The following ATRNL1 variants were observed in gnomAD, a reference collection of about 807,000 sequenced individuals.
ATRNL1 encodes the protein attractin-like protein 1.
ATRNL1 carries 95 observed loss-of-function variants against 182.7 expected under a neutral mutation model. The observed-to-expected ratio is 0.52, with a 90% CI of 0.44 to 0.62. The LOEUF is 0.62. Among genes scored for constraint, ATRNL1 ranks in the 20% least tolerant of loss-of-function variants. ATRNL1 has a pLI of 0.00. For synonymous variants in ATRNL1, 576 were observed against 568.3 expected (o/e 1.01, Z -0.19); for missense variants, 1,471 against 1,679.5 (o/e 0.88, Z 2.17).
intron 9 of ATRNL1, among the ~76,000 whole-genome samples, chr10:115,223,137 C>T (rs1592281616): frequency 6.6e-6 from 1 of 152,018 alleles, no homozygotes; most frequent in African/African-American, 2.4e-5. Context: ...AAAAATTAGC[C>T]AGGCATGGTG....
intron 15 of ATRNL1, among the ~76,000 whole-genome samples, chr10:115,296,094 G>A (rs782654083): frequency 6.6e-6 from 1 of 152,116 alleles, no homozygotes; most frequent in Non-Finnish European, 1.5e-5. Context: ...AAGGACTGTG[G>A]GATTCTTCTG....
chr10:115,189,228 G>A (rs1325693987), intron 8 of ATRNL1, among the ~76,000 whole-genome samples: 4 of 151,410 alleles, frequency 2.6e-5, no homozygotes, highest in Non-Finnish European at 5.9e-5. Flanking sequence ...CAGAAGTATG[G>A]CACATACAAT....
chr10:115,900,230 C>T (rs1952317003), intron 28 of ATRNL1, among the ~76,000 whole-genome samples: 2 of 152,072 alleles, frequency 1.3e-5, no homozygotes, highest in African/African-American at 4.8e-5. Context: ...GGGCCCATAC[C>T]TCCTATTATA....
chr10:115,796,510 G>A (rs1256994356), intron 27 of ATRNL1, among the ~76,000 whole-genome samples: 4 of 152,170 alleles, frequency 2.6e-5, no homozygotes, highest in South Asian at 2.1e-4. Context: ...GTTCATGGCC[G>A]AAGGAACCAC....
chr10:115,481,041 A>G (rs1310121563), intron 24 of ATRNL1, among the ~76,000 whole-genome samples: 1 of 150,702 alleles, frequency 6.6e-6, no homozygotes, highest in Non-Finnish European at 1.5e-5. Context: ...CATTAATTAT[A>G]TTTTGAAATC....
chr10:115,151,229 A>G (rs1846212379), intron 5 of ATRNL1, among the ~76,000 whole-genome samples: 2 of 152,180 alleles, frequency 1.3e-5, no homozygotes, highest in Admixed American at 6.5e-5. Flanking sequence ...TCCTTTGGGT[A>G]TATACCCAGT....
chr10:115,661,453 A>T (rs1860677269), intron 26 of ATRNL1, among the ~76,000 whole-genome samples: 1 of 152,192 alleles, frequency 6.6e-6, no homozygotes, highest in African/African-American at 2.4e-5. Flanking sequence ...AATAAAATTC[A>T]AATTAAAGAA....
chr10:115,713,467 T>TTTGTGTGTGTGTGTG lies in ATRNL1; in HGVS notation c.3796-13780_3796-13779insTGTGTGTGTGTGTGT, dbSNP rs1565310435. Reference sequence around the variant, plus strand: ...GCTGTGTGTGTGTGTGTGTGTGTGTTTGTGTGTGTGTCTGTGTGAAGATGA... The same window carrying TTTGTGTGTGTGTGTG: ...GCTGTGTGTGTGTGTGTGTGTGTGTTTTGTGTGTGTGTGTGTGTGTGTGTGTCTGTGTGAAGATGA... On this transcript the variant is annotated intron_variant, in intron 26 of 28. Coordinates refer to ENST00000355044, the MANE Select transcript of ATRNL1 (RefSeq NM_207303.4). Among the ~76,000 whole-genome samples, 728 of 74,430 alleles carry TTTGTGTGTGTGTGTG rather than the reference T, an allele frequency of 9.8e-3. 7 individuals are homozygous for TTTGTGTGTGTGTGTG. Among genetic ancestry groups the TTTGTGTGTGTGTGTG allele is most frequent in the African/African-American group, 0.027 (702 of 25,696 alleles). 48.8% of individuals were successfully genotyped at this position (74,430 alleles called of 152,430 possible).
At chr10:115,561,693 G>A (rs1206052084) in intron 26 of ATRNL1, among the ~76,000 whole-genome samples, 15 of 114,910 alleles carry the variant, frequency 1.3e-4, no homozygotes, top group African/African-American at 4.5e-4. Flanking sequence ...GTGTGTGGGT[G>A]TGTGTGTGTG....
rs79840313 is a variant in ATRNL1, at chr10:115,495,434, A to G, written c.3655-23829A>G. Among the ~76,000 whole-genome samples the G allele has an allele frequency of 8.9e-3, 1,359 of 152,146 alleles. 25 individuals carry two copies. The highest frequency in any genetic ancestry group is 0.031 in the African/African-American group (1,278 of 41,522). The stretch of plus-strand genomic sequence containing the variant: ...TAGGTTGTTAATTTGAGATCATTCT[A>G]ACTTTTTGATGTGGACGTTTAGCAC... On this transcript the variant is annotated intron_variant, in intron 24 of 28. Transcript: ENST00000355044.
chr10:115,741,008 T>C (rs1948124626), intron 27 of ATRNL1, among the ~76,000 whole-genome samples: 1 of 152,184 alleles, frequency 6.6e-6, no homozygotes, highest in Admixed American at 6.5e-5. Context: ...TTTCCATATT[T>C]TAAACTGGAA....
Position 115,215,740 on chromosome 10 carries a change from A to G in ATRNL1, c.1392A>G (p.Val464=). 2.5e-6 allele frequency: 4 copies of G among 1,607,542 alleles called. No individual in the cohort carries two copies. The highest frequency in any genetic ancestry group is 1.7e-6 in the Non-Finnish European group (2 of 1,177,694). ...TTCCAGAAACTAAAGGAGCTATTGT[A>G]CAAGGTGGATATGGCCATACTAGTG... ...WLVPETKGAI[V]QGGYGHTSVY... The change falls in exon 9 of 29, where the codon GTA becomes GTG. Residue 464 remains valine, a synonymous_variant. Coordinates refer to ENST00000355044, the MANE Select transcript of ATRNL1 (RefSeq NM_207303.4).
chr10:115,502,370 A>G (rs951781025), intron 24 of ATRNL1, among the ~76,000 whole-genome samples: 18 of 152,158 alleles, frequency 1.2e-4, no homozygotes, highest in African/African-American at 3.6e-4. Flanking sequence ...TTTGTTAAAT[A>G]TCAAAGGTTT....
intron 21 of ATRNL1, among the ~76,000 whole-genome samples, chr10:115,449,248 G>C (rs1271208779): frequency 1.3e-5 from 2 of 152,184 alleles, no homozygotes; most frequent in Non-Finnish European, 2.9e-5. Context: ...GGAGAGAAGA[G>C]AAGAAGCAGC....
At chr10:115,463,971 G>T (rs2134542035) in intron 22 of ATRNL1, among the ~76,000 whole-genome samples, 1 of 152,102 alleles carries the variant, frequency 6.6e-6, no homozygotes, top group African/African-American at 2.4e-5. Context: ...ATTGTCCATA[G>T]TGTCATATAC....
At position 115,139,245 on chromosome 10, in the gene ATRNL1, C is replaced by T. The variant is rs963074415; in HGVS notation, c.829+9710C>T. 3.9e-5 allele frequency among the ~76,000 whole-genome samples: 6 copies of T among 152,272 alleles called. No homozygotes were observed. The Middle Eastern group carries it at 0.01, about 259-fold the overall frequency. On this transcript the variant is annotated intron_variant, in intron 5 of 28. Transcript: ENST00000355044. ...CTATCTTCTTCTGAGCCTTTCAAAG[C>T]GTTTCAACCTCTGCCTGTTACGCAG... is the stretch of plus-strand genomic sequence containing the variant.
chr10:115,108,236 A>G (rs1554866669), intron 1 of ATRNL1, among the ~76,000 whole-genome samples: 1 of 152,148 alleles, frequency 6.6e-6, no homozygotes, highest in African/African-American at 2.4e-5. Flanking sequence ...AGCTCTTTCA[A>G]TATTTTGCTT....
At chr10:115,482,192 G>A (rs1191727433) in intron 24 of ATRNL1, among the ~76,000 whole-genome samples, 1 of 150,892 alleles carries the variant, frequency 6.6e-6, no homozygotes, top group Non-Finnish European at 1.5e-5. Context: ...AATGTTACTA[G>A]AATCACTAAA....
chr10:115,879,456 T>C (rs1436425828), intron 28 of ATRNL1, among the ~76,000 whole-genome samples: 1 of 152,210 alleles, frequency 6.6e-6, no homozygotes, highest in Non-Finnish European at 1.5e-5. Context: ...CATGATGCTA[T>C]GTAGCCATAG....
Sources: gnomAD v4.1 joint callset for allele counts (sites outside exome capture counted in the v4.1 genomes callset) on GRCh38, gnomAD v4.1.1 for gene constraint, MANE v1.5 for transcripts, NCBI Gene and HGNC (gene_info 2026-07-23, HGNC 2026-07-21) for gene names.